Variants in C12orf42 observed in about 807,000 individuals in gnomAD.
C12orf42 encodes chromosome 12 open reading frame 42, also known as uncharacterized protein C12orf42.
C12orf42 carries 25 observed loss-of-function variants against 21.6 expected under a neutral mutation model. That is an observed-to-expected ratio of 1.16 (90% CI 0.84 to 1.62). The LOEUF is 1.62. C12orf42 is among the 40% of genes most tolerant of loss of function. The probability of loss-of-function intolerance (pLI) is 0.00; values close to 1 mark genes in which losing one functional copy is unlikely to be tolerated. For missense variants in C12orf42, 483 were observed against 459.3 expected (o/e 1.05, Z -0.47); for synonymous variants, 174 against 175.0 (o/e 0.99, Z 0.05).
the C12orf42 span, among the ~76,000 whole-genome samples, chr12:103,124,841 C>T: frequency 3.3e-5 from 5 of 152,020 alleles, no homozygotes; most frequent in Admixed American, 6.6e-5. Flanking sequence ...ATACAAACAC[C>T]GAGGGCACTT....
intron 4 of C12orf42, among the ~76,000 whole-genome samples, chr12:103,351,103 A>G (rs560728729): frequency 2.0e-5 from 3 of 152,254 alleles, no homozygotes; most frequent in South Asian, 2.1e-4. Context: ...AATAAGCTCT[A>G]TAAGGTGTTA....
intron 3 of C12orf42, among the ~76,000 whole-genome samples, chr12:103,383,703 G>A (rs538581263): frequency 6.6e-5 from 10 of 152,268 alleles, no homozygotes; most frequent in African/African-American, 2.4e-4. Context: ...CAACATAAAT[G>A]ACATAGCAGT....
At chr12:103,132,867 C>T in the C12orf42 span, among the ~76,000 whole-genome samples, 1 of 152,190 alleles carries the variant, frequency 6.6e-6, no homozygotes, top group Non-Finnish European at 1.5e-5. Context: ...AGTCTGTTGC[C>T]ACTGAAAGGA....
chr12:103,065,279 C>G, the C12orf42 span, among the ~76,000 whole-genome samples: 1 of 152,198 alleles, frequency 6.6e-6, no homozygotes, highest in Non-Finnish European at 1.5e-5. Flanking sequence ...AGTGGTGACT[C>G]CAGTTGCATC....
At chr12:103,270,852 T>C (rs2035434987) in intron 5 of C12orf42, among the ~76,000 whole-genome samples, 1 of 151,760 alleles carries the variant, frequency 6.6e-6, no homozygotes, top group Non-Finnish European at 1.5e-5. Context: ...GTCAGATTGA[T>C]AAAGGAGTTG....
the C12orf42 span, among the ~76,000 whole-genome samples, chr12:103,523,929 C>T: frequency 6.6e-6 from 1 of 152,054 alleles, no homozygotes; most frequent in Admixed American, 6.5e-5. Flanking sequence ...CTTCCTGTCG[C>T]CATCATTCAC....
At chr12:103,500,204 A>G (rs1401767963), upstream of C12orf42, among the ~76,000 whole-genome samples, 1 of 152,212 alleles carries the variant, frequency 6.6e-6, no homozygotes, top group Non-Finnish European at 1.5e-5. Flanking sequence ...AGATTTTGGG[A>G]TCCTAAGAGA....
At chr12:103,261,277 C>T (rs540718126) in intron 10 of C12orf42, among the ~76,000 whole-genome samples, 59 of 151,954 alleles carry the variant, frequency 3.9e-4, no homozygotes, top group African/African-American at 1.4e-3. Context: ...TTGAGACCAG[C>T]CTGGGCAATA....
At chr12:103,057,529 T>A in the C12orf42 span, among the ~76,000 whole-genome samples, 1 of 152,176 alleles carries the variant, frequency 6.6e-6, no homozygotes, top group Non-Finnish European at 1.5e-5. Context: ...AAGGACATGA[T>A]CTCATTCTTT....
At position 103,390,600 on chromosome 12, in the gene C12orf42, T is replaced by C. The variant is rs11837228; in HGVS notation, c.147+11007A>G. Among the ~76,000 whole-genome samples the C allele has an allele frequency of 2.2e-3, 331 of 152,158 alleles. 1 individual carries two copies. Among genetic ancestry groups the C allele is most frequent in the African/African-American group, 7.5e-3 (313 of 41,516 alleles). On this transcript the variant is annotated intron_variant, in intron 3 of 5. Coordinates refer to ENST00000548883, the MANE Select transcript of C12orf42 (RefSeq NM_198521.5). ...TATATATAGATAAGTAGAAACAGAT[T>C]TAGTATAAGAAGTCCCTTGATCTGC... is the stretch of plus-strand genomic sequence containing the variant.
intron 10 of C12orf42, among the ~76,000 whole-genome samples, chr12:103,256,085 A>AAATATAT (rs1565998067): frequency 1.7e-5 from 1 of 58,938 alleles, no homozygotes; most frequent in Non-Finnish European, 2.7e-5. Flanking sequence ...AAAAAAAAAA[A>AAATATAT]ATATATATAT....
At chr12:103,199,979 G>A in the C12orf42 span, among the ~76,000 whole-genome samples, 2 of 152,236 alleles carry the variant, frequency 1.3e-5, no homozygotes, top group South Asian at 4.1e-4. Flanking sequence ...TCATTCTTGA[G>A]TATGGATGCA....
chr12:103,157,461 G>A, the C12orf42 span, among the ~76,000 whole-genome samples: 1 of 152,130 alleles, frequency 6.6e-6, no homozygotes, highest in Non-Finnish European at 1.5e-5. Context: ...TTGCTGTCCA[G>A]AAGCTCTTTA....
At chr12:103,389,611 G>A (rs1243923905) in intron 3 of C12orf42, among the ~76,000 whole-genome samples, 1 of 152,160 alleles carries the variant, frequency 6.6e-6, no homozygotes, top group African/African-American at 2.4e-5. Flanking sequence ...AAAGAAAAAT[G>A]TAAAAATTCC....
intron 10 of C12orf42, among the ~76,000 whole-genome samples, chr12:103,238,432 A>G (rs1051651115): frequency 7.2e-5 from 11 of 152,196 alleles, no homozygotes; most frequent in South Asian, 6.2e-4. Context: ...GAAATGCAGA[A>G]TCTCAGGCCT....
At chr12:103,188,905 A>T in the C12orf42 span, among the ~76,000 whole-genome samples, 1 of 152,222 alleles carries the variant, frequency 6.6e-6, no homozygotes, top group African/African-American at 2.4e-5. Flanking sequence ...GCAACAAAAT[A>T]TGGCTAATAT....
At chr12:103,283,116 A>AT (rs1327767386) in intron 4 of C12orf42, among the ~76,000 whole-genome samples, 2 of 152,094 alleles carry the variant, frequency 1.3e-5, no homozygotes, top group African/African-American at 2.4e-5. Context: ...TTCATATTCT[A>AT]TTTTTTCATA....
chr12:103,330,562 A>G (rs1262431338), intron 4 of C12orf42, among the ~76,000 whole-genome samples: 2 of 152,212 alleles, frequency 1.3e-5, no homozygotes, highest in African/African-American at 4.8e-5. Context: ...TGTTTCAGAT[A>G]GTCGGCCATG....
intron 4 of C12orf42, among the ~76,000 whole-genome samples, chr12:103,310,032 C>A (rs1049820253): frequency 6.6e-6 from 1 of 152,230 alleles, no homozygotes; most frequent in African/African-American, 2.4e-5. Context: ...CCACTGTAGA[C>A]AGTTGATATA....
Sources: gnomAD v4.1 joint callset for allele counts (sites outside exome capture counted in the v4.1 genomes callset) on GRCh38, gnomAD v4.1.1 for gene constraint, MANE v1.5 for transcripts, NCBI Gene and HGNC (gene_info 2026-07-23, HGNC 2026-07-21) for gene names.